The following LRRIQ3 variants were observed in gnomAD, a reference collection of about 807,000 sequenced individuals.
The protein encoded by LRRIQ3 is leucine-rich repeat and IQ domain-containing protein 3.
A neutral mutation model predicts 59.3 loss-of-function variants in LRRIQ3; 75 were observed. The observed-to-expected ratio is 1.26, with a 90% CI of 1.05 to 1.53. The LOEUF is 1.53. Among genes scored for constraint, LRRIQ3 ranks in the 40% most tolerant of loss-of-function variants. The pLI is 0.00. For synonymous variants in LRRIQ3, 250 were observed against 231.3 expected, an observed-to-expected ratio of 1.08 and a Z score of -0.73; for missense variants, 831 against 710.0, an observed-to-expected ratio of 1.17 and a Z score of -1.94.
chr1:74,138,116 G>T (rs1012713953), intron 4 of LRRIQ3, among the ~76,000 whole-genome samples: 1 of 146,788 alleles, frequency 6.8e-6, no homozygotes, highest in Non-Finnish European at 1.5e-5. Context: ...AAGAAGAAAA[G>T]AAATAAATAT....
intron 1 of LRRIQ3, among the ~76,000 whole-genome samples, chr1:74,184,154 T>C (rs1044579688): frequency 6.6e-6 from 1 of 151,992 alleles, no homozygotes; most frequent in African/African-American, 2.4e-5. Context: ...CCAGATAAAA[T>C]AAAGGTGCTA....
intron 6 of LRRIQ3, among the ~76,000 whole-genome samples, chr1:74,061,831 T>C (rs987245979): frequency 1.3e-5 from 2 of 152,240 alleles, no homozygotes; most frequent in South Asian, 2.1e-4. Flanking sequence ...GCTCAGGAAC[T>C]GGAGACTAGG....
chr1:74,050,434 A>T, intron 6 of LRRIQ3: 1 of 758,282 alleles, frequency 1.3e-6, no homozygotes, highest in Non-Finnish European at 1.6e-6. Flanking sequence ...CAACTGGATC[A>T]TATCAGCCAA....
intron 3 of LRRIQ3, among the ~76,000 whole-genome samples, chr1:74,161,790 A>G (rs1176587666): frequency 6.6e-6 from 1 of 151,948 alleles, no homozygotes; most frequent in Non-Finnish European, 1.5e-5. Context: ...TCCAGAGAAC[A>G]AGTAAACTCC....
At chr1:74,120,103 G>T (rs1283122033) in intron 4 of LRRIQ3, among the ~76,000 whole-genome samples, 1 of 151,348 alleles carries the variant, frequency 6.6e-6, no homozygotes, top group East Asian at 1.9e-4. Context: ...CTTCACATAG[G>T]ATATTTATTT....
At chr1:74,184,861 T>C (rs890153848) in intron 1 of LRRIQ3, among the ~76,000 whole-genome samples, 9 of 152,170 alleles carry the variant, frequency 5.9e-5, no homozygotes, top group Admixed American at 3.3e-4. Context: ...TGAAGCTCTA[T>C]TGGTGCTGGG....
rs199564450 is a variant in LRRIQ3 at position 74,129,052 on chromosome 1, G to C, written c.708-19499C>G. ...CCACCACTGGAACTGTGCTAGGTCA[G>C]ATCTAAAGCCAGCACAGAACTGGAT... On this transcript the variant is annotated intron_variant, in intron 4 of 7. Coordinates refer to ENST00000354431, the MANE Select transcript of LRRIQ3 (RefSeq NM_001105659.2). 5.9e-5 allele frequency among the ~76,000 whole-genome samples: 9 copies of C among 152,184 alleles called. No individual in the cohort carries two copies. In the East Asian group the frequency reaches 1.7e-3, roughly 30 times the overall value.
chr1:74,039,662 C>A (rs1047188006), intron 7 of LRRIQ3, among the ~76,000 whole-genome samples: 4 of 152,156 alleles, frequency 2.6e-5, no homozygotes, highest in African/African-American at 9.7e-5. Context: ...ATTTTCAACA[C>A]AGAATTTCAT....
chr1:74,079,722 A>G (rs1007325268), intron 5 of LRRIQ3, among the ~76,000 whole-genome samples: 1 of 151,904 alleles, frequency 6.6e-6, no homozygotes, highest in African/African-American at 2.4e-5. Context: ...TGCTGAATGA[A>G]TATAGCCAAA....
intron 6 of LRRIQ3, among the ~76,000 whole-genome samples, chr1:74,059,958 AT>A (rs1455350396): frequency 2.0e-5 from 3 of 151,890 alleles, no homozygotes; most frequent in African/African-American, 7.2e-5. Flanking sequence ...GTATTCTTAA[AT>A]TATTTTCAAA....
At chr1:74,085,908 T>A (rs1471015011) in intron 5 of LRRIQ3, among the ~76,000 whole-genome samples, 1 of 152,020 alleles carries the variant, frequency 6.6e-6, no homozygotes, top group African/African-American at 2.4e-5. Flanking sequence ...ATTCTAATAA[T>A]GGAATCTCTC....
intron 4 of LRRIQ3, among the ~76,000 whole-genome samples, chr1:74,140,303 T>A (rs1647209960): frequency 6.6e-6 from 1 of 151,852 alleles, no homozygotes; most frequent in African/African-American, 2.4e-5. Flanking sequence ...CTTTAAGCCA[T>A]AAAGATTACT....
chr1:74,077,290 C>T (rs1372356651), intron 5 of LRRIQ3, among the ~76,000 whole-genome samples: 1 of 151,980 alleles, frequency 6.6e-6, no homozygotes, highest in East Asian at 1.9e-4. Flanking sequence ...CAATTCATCA[C>T]ATGTTGAAAA....
chr1:74,033,638 G>A (rs1653784363), intron 7 of LRRIQ3, among the ~76,000 whole-genome samples: 1 of 151,974 alleles, frequency 6.6e-6, no homozygotes. Flanking sequence ...GTCCAAAAAT[G>A]TTGATATTAG....
At position 74,082,878 on chromosome 1, in the gene LRRIQ3, T is replaced by G. The variant is rs1250252748; in HGVS notation, c.868-8088A>C. On this transcript the variant is annotated intron_variant, in intron 5 of 7. Coordinates refer to ENST00000354431, the MANE Select transcript of LRRIQ3 (RefSeq NM_001105659.2). ...TTACTTGAATAATATTTTCTAAAAT[T>G]GAGGTTTTATCCCCCTGCAACTTGG... 2.6e-5 allele frequency: 4 copies of G among 151,740 alleles called. No homozygotes were observed. The East Asian group carries it at 5.8e-4, about 22-fold the overall frequency. 9.4% of individuals were successfully genotyped at this position (151,740 alleles called of 1,614,324 possible).
intron 6 of LRRIQ3, among the ~76,000 whole-genome samples, chr1:74,057,504 T>A (rs76366507): frequency 6.6e-6 from 1 of 152,076 alleles, no homozygotes; most frequent in Non-Finnish European, 1.5e-5. Context: ...ACAAGGACAG[T>A]CTTTTTAATA....
At chr1:74,186,629 A>T (rs1650396749) in intron 1 of LRRIQ3, among the ~76,000 whole-genome samples, 3 of 152,188 alleles carry the variant, frequency 2.0e-5, no homozygotes, top group Non-Finnish European at 4.4e-5. Flanking sequence ...CTATTGCCTC[A>T]CTTGAAAACT....
intron 6 of LRRIQ3, among the ~76,000 whole-genome samples, chr1:74,050,240 T>A (rs559808431): frequency 6.6e-6 from 1 of 152,086 alleles, no homozygotes; most frequent in Non-Finnish European, 1.5e-5. Context: ...TTTTAAATAA[T>A]AATACCAGAT....
At chr1:74,173,584 A>G (rs1036871380) in intron 3 of LRRIQ3, among the ~76,000 whole-genome samples, 1 of 152,022 alleles carries the variant, frequency 6.6e-6, no homozygotes, top group Non-Finnish European at 1.5e-5. Flanking sequence ...TTAAGCTGCT[A>G]TAAATTATTG....
Sources: gnomAD v4.1 joint callset for allele counts (sites outside exome capture counted in the v4.1 genomes callset) on GRCh38, gnomAD v4.1.1 for gene constraint, MANE v1.5 for transcripts, NCBI Gene and HGNC (gene_info 2026-07-23, HGNC 2026-07-21) for gene names.